SCLT1: variants seen among roughly 807,000 people sequenced by gnomAD.
SCLT1 encodes the protein sodium channel-associated protein 1.
Under a neutral mutation model 112.8 loss-of-function variants are expected in SCLT1, and 78 were observed. That is an observed-to-expected ratio of 0.69 (90% CI 0.58 to 0.83). The LOEUF is 0.83. Among genes scored for constraint, SCLT1 ranks in the 40% least tolerant of loss-of-function variants. The pLI, the probability that SCLT1 is intolerant of heterozygous loss-of-function variation, is 0.00. For missense variants in SCLT1, 747 were observed against 770.4 expected (o/e 0.97, Z 0.36); for synonymous variants, 257 against 254.7 (o/e 1.01, Z -0.09).
At chr4:129,071,907 G>T (rs1160713632) in intron 2 of SCLT1, among the ~76,000 whole-genome samples, 1 of 152,058 alleles carries the variant, frequency 6.6e-6, no homozygotes, top group African/African-American at 2.4e-5. Flanking sequence ...TGTTTTATAG[G>T]TCCTGTGTGA....
chr4:129,030,376 A>G (rs1746597168), intron 5 of SCLT1, among the ~76,000 whole-genome samples: 1 of 152,200 alleles, frequency 6.6e-6, no homozygotes, highest in Admixed American at 6.5e-5. Flanking sequence ...TCTAAAATCA[A>G]CACCCTAACA....
Position 128,959,636 on chromosome 4 carries a change from C to T in SCLT1, c.1011G>A (p.Met337Ile). 5.0e-6 allele frequency: 8 copies of T among 1,613,402 alleles called. No homozygotes were observed. Among genetic ancestry groups the T allele is most frequent in the African/African-American group, 4.0e-5 (3 of 75,032 alleles). Reference protein sequence around the residue: ...YEAIVRARNSMQLLEEANLQK... With the variant: ...YEAIVRARNSIQLLEEANLQK... The stretch of plus-strand genomic sequence containing the variant: ...GAAGGTTAGCTTCTTCTAAGAGTTG[C>T]ATGCTATTTCTGGCTCTTACAATAG... Residue 337 changes from methionine to isoleucine, a missense_variant, in exon 12 of 21, where the codon ATG becomes ATA. Transcript: ENST00000281142.
rs555273802 is a variant in SCLT1, at chr4:129,005,457, C to T, written c.291-1581G>A. Among the ~76,000 whole-genome samples the T allele has an allele frequency of 7.0e-4, 107 of 152,132 alleles. 2 individuals are homozygous for T. Among genetic ancestry groups the T allele is most frequent in the African/African-American group, 2.5e-3 (104 of 41,478 alleles). ...CCATCAGAGAAATGCAAATCAAAAC[C>T]ACAATGAGATATCATCTCACACCAG... On this transcript the variant is annotated intron_variant, in intron 5 of 20. Coordinates refer to ENST00000281142, the MANE Select transcript of SCLT1 (RefSeq NM_144643.4).
intron 18 of SCLT1, among the ~76,000 whole-genome samples, chr4:128,914,448 A>G (rs1735328065): frequency 6.6e-6 from 1 of 152,194 alleles, no homozygotes; most frequent in South Asian, 2.1e-4. Context: ...AATCTTAAAT[A>G]GAGTAATAAA....
At chr4:129,087,038 C>T (rs1752454169) in intron 1 of SCLT1, among the ~76,000 whole-genome samples, 1 of 152,062 alleles carries the variant, frequency 6.6e-6, no homozygotes. Flanking sequence ...CTATGATTGC[C>T]CCACCTTAAT....
chr4:128,937,930 T>C (rs1011760923), intron 17 of SCLT1, among the ~76,000 whole-genome samples: 2 of 152,188 alleles, frequency 1.3e-5, no homozygotes, highest in Non-Finnish European at 2.9e-5. Context: ...ACAATGTAAC[T>C]ACCTAAGTAC....
intron 10 of SCLT1, among the ~76,000 whole-genome samples, chr4:128,968,792 G>C (rs1740427109): frequency 6.6e-6 from 1 of 152,196 alleles, no homozygotes; most frequent in Admixed American, 6.5e-5. Flanking sequence ...GTAGGTAGCA[G>C]CTGATATCTG....
intron 4 of SCLT1, chr4:128,874,707 A>C (rs1040935941): frequency 2.2e-4 from 33 of 152,688 alleles, no homozygotes; most frequent in African/African-American, 7.7e-4. Flanking sequence ...CTTGCGTTCT[A>C]TTAGTATGGA....
intron 18 of SCLT1, among the ~76,000 whole-genome samples, chr4:128,929,669 G>C (rs1736596174): frequency 6.6e-6 from 1 of 151,966 alleles, no homozygotes; most frequent in Admixed American, 6.6e-5. Context: ...ACATAAAAGA[G>C]ATGTCAGAAA....
chr4:128,926,351 C>G (rs908085114), intron 18 of SCLT1, among the ~76,000 whole-genome samples: 92 of 152,240 alleles, frequency 6.0e-4, no homozygotes, highest in Admixed American at 9.2e-4. Flanking sequence ...CTGGAACTCT[C>G]ATGTCTCTTA....
rs991877364 is a variant in SCLT1, at chr4:128,892,688, A to T, written c.1830-1551T>A. Among the ~76,000 whole-genome samples the T allele has an allele frequency of 2.0e-5, 3 of 152,232 alleles. No individual in the cohort carries two copies. In the South Asian group the frequency reaches 6.2e-4, roughly 31 times the overall value. On this transcript the variant is annotated intron_variant, in intron 18 of 20. Coordinates refer to ENST00000281142, the MANE Select transcript of SCLT1 (RefSeq NM_144643.4). ...TACAAATAGTTACTGAACATTCGTTACAGGCCAGGTGCAAGGTATGTGGTG... is the reference window on the plus strand; with the variant it reads ...TACAAATAGTTACTGAACATTCGTTTCAGGCCAGGTGCAAGGTATGTGGTG...
intron 18 of SCLT1, 151 bp downstream of exon 18, chr4:128,936,504 T>C (rs1386002591): frequency 6.2e-6 from 3 of 484,140 alleles, no homozygotes; most frequent in African/African-American, 4.0e-5. Flanking sequence ...TATGACATAA[T>C]ATTTTTATAG....
intron 18 of SCLT1, among the ~76,000 whole-genome samples, chr4:128,896,783 T>C (rs1033248604): frequency 6.6e-6 from 1 of 151,950 alleles, no homozygotes; most frequent in Non-Finnish European, 1.5e-5. Context: ...TGAAAAAAAA[T>C]TAGACAAATG....
intron 14 of SCLT1, among the ~76,000 whole-genome samples, chr4:128,949,427 G>A (rs983320410): frequency 1.3e-4 from 20 of 151,740 alleles, no homozygotes; most frequent in Non-Finnish European, 1.6e-4. Flanking sequence ...TGTGCACAAC[G>A]TGAAGGTTTG....
At chr4:129,024,814 G>A (rs1258298398) in intron 5 of SCLT1, among the ~76,000 whole-genome samples, 1 of 152,102 alleles carries the variant, frequency 6.6e-6, no homozygotes, top group African/African-American at 2.4e-5. Flanking sequence ...AAATTTAGAT[G>A]AATGTATAAC....
chr4:128,941,906 T>C (rs1274501621), intron 17 of SCLT1, among the ~76,000 whole-genome samples: 1 of 152,038 alleles, frequency 6.6e-6, no homozygotes, highest in Non-Finnish European at 1.5e-5. Flanking sequence ...AAGCCAGTTT[T>C]CCCCCCACTG....
intron 2 of SCLT1, among the ~76,000 whole-genome samples, chr4:129,077,543 G>C (rs1751570490): frequency 1.3e-5 from 2 of 152,240 alleles, no homozygotes; most frequent in South Asian, 4.1e-4. Context: ...AGGAAAAAGA[G>C]GAAGAACATA....
intron 5 of SCLT1, among the ~76,000 whole-genome samples, chr4:129,005,157 T>C (rs1050965997): frequency 1.3e-5 from 2 of 152,184 alleles, no homozygotes; most frequent in African/African-American, 4.8e-5. Context: ...TTAACCGTAG[T>C]ATTCAGACAT....
intron 13 of SCLT1, among the ~76,000 whole-genome samples, chr4:128,956,669 T>C (rs1739238743): frequency 1.3e-5 from 2 of 152,168 alleles, no homozygotes; most frequent in African/African-American, 2.4e-5. Flanking sequence ...ATTTTAACTT[T>C]ATTTTTTCTA....
Sources: allele counts gnomAD v4.1 joint callset (sites outside exome capture counted in the v4.1 genomes callset), GRCh38; gene constraint gnomAD v4.1.1; transcripts MANE v1.5; gene names NCBI Gene and HGNC (gene_info 2026-07-23, HGNC 2026-07-21).